PDE4D: variants seen among roughly 807,000 people sequenced by gnomAD.
PDE4D encodes 3',5'-cyclic-AMP phosphodiesterase 4D.
A neutral mutation model predicts 87.4 loss-of-function variants in PDE4D; 24 were observed. The ratio of observed to expected loss-of-function variants is 0.27; its 90% CI spans 0.20 to 0.39. PDE4D has a LOEUF of 0.39. Among genes scored for constraint, PDE4D ranks in the 10% least tolerant of loss-of-function variants. The pLI is 1.00. For missense variants in PDE4D, 714 were observed against 1,041.0 expected (o/e 0.69, Z 4.32); for synonymous variants, 384 against 383.2 (o/e 1.00, Z -0.02).
At chr5:58,985,671 G>A (rs970578942) in intron 11 of PDE4D, among the ~76,000 whole-genome samples, 2 of 152,134 alleles carry the variant, frequency 1.3e-5, no homozygotes, top group Admixed American at 6.5e-5. Flanking sequence ...GCAGGCTTTG[G>A]ACAGGATGGC....
At chr5:59,708,500 T>C (rs1753765501) in intron 1 of PDE4D, among the ~76,000 whole-genome samples, 1 of 152,132 alleles carries the variant, frequency 6.6e-6, no homozygotes, top group Non-Finnish European at 1.5e-5. Context: ...TCACAATGTC[T>C]AAGGGACAGA....
At chr5:59,933,869 C>T (rs1472399865) in intron 3 of PDE4D, among the ~76,000 whole-genome samples, 1 of 151,980 alleles carries the variant, frequency 6.6e-6, no homozygotes, top group Non-Finnish European at 1.5e-5. Flanking sequence ...TAACTTTTGG[C>T]TGGTTGACCC....
chr5:59,676,004 G>T (rs1016672253), intron 1 of PDE4D, among the ~76,000 whole-genome samples: 1 of 152,044 alleles, frequency 6.6e-6, no homozygotes, highest in African/African-American at 2.4e-5. Context: ...AAAATATAGT[G>T]TTAAGAGATC....
intron 1 of PDE4D, among the ~76,000 whole-genome samples, chr5:59,619,900 G>A (rs969098199): frequency 2.6e-5 from 4 of 152,144 alleles, no homozygotes; most frequent in Admixed American, 6.5e-5. Flanking sequence ...AGGCAGAGGA[G>A]GACCCATGAA....
intron 1 of PDE4D, among the ~76,000 whole-genome samples, chr5:60,343,639 T>C (rs1758496203): frequency 6.6e-6 from 1 of 152,138 alleles, no homozygotes; most frequent in South Asian, 2.1e-4. Flanking sequence ...GTCAGTTGAC[T>C]TCTGGCTGTG....
chr5:59,113,909 G>A (rs908715351), intron 5 of PDE4D, among the ~76,000 whole-genome samples: 2 of 152,092 alleles, frequency 1.3e-5, no homozygotes, highest in East Asian at 3.9e-4. Flanking sequence ...ATTACATATT[G>A]AGATATTGAG....
intron 1 of PDE4D, among the ~76,000 whole-genome samples, chr5:59,492,261 T>A (rs923432384): frequency 1.3e-5 from 2 of 152,190 alleles, no homozygotes; most frequent in Non-Finnish European, 2.9e-5. Context: ...CATCTGTACA[T>A]TCACTGACAA....
intron 1 of PDE4D, among the ~76,000 whole-genome samples, chr5:59,774,666 A>G (rs1763897126): frequency 6.6e-6 from 1 of 151,384 alleles, no homozygotes; most frequent in Non-Finnish European, 1.5e-5. Flanking sequence ...ACAACTTACA[A>G]TGGCATTTTT....
At chr5:60,012,129 TAA>T (rs1381175178) in intron 2 of PDE4D, among the ~76,000 whole-genome samples, 1 of 152,106 alleles carries the variant, frequency 6.6e-6, no homozygotes, top group Non-Finnish European at 1.5e-5. Flanking sequence ...TATATAAAAA[TAA>T]GTCAGATCTA....
intron 1 of PDE4D, among the ~76,000 whole-genome samples, chr5:59,552,931 T>C (rs996911507): frequency 6.6e-6 from 1 of 152,184 alleles, no homozygotes; most frequent in Non-Finnish European, 1.5e-5. Context: ...AATTGAAAAG[T>C]TGATTTTCTT....
chr5:59,200,930 T>C (rs1429744736), intron 2 of PDE4D, among the ~76,000 whole-genome samples: 3 of 152,092 alleles, frequency 2.0e-5, no homozygotes, highest in Non-Finnish European at 4.4e-5. Context: ...ATAGTGTATA[T>C]TCAACTGTAT....
At chr5:59,762,236 ATATGTGTATATGGGTACACATATGCG>A (rs1762078475) in intron 1 of PDE4D, among the ~76,000 whole-genome samples, 1 of 108,674 alleles carries the variant, frequency 9.2e-6, no homozygotes, top group African/African-American at 3.1e-5. Flanking sequence ...ACATATGCGT[ATATGTGTATATGGGTACACATATGCG>A]TATATGTGTA....
intron 1 of PDE4D, among the ~76,000 whole-genome samples, chr5:59,340,013 T>G (rs532779231): frequency 1.3e-5 from 2 of 152,210 alleles, no homozygotes; most frequent in South Asian, 4.2e-4. Context: ...ATGTGTTCAG[T>G]CTTCTCACCC....
chr5:59,996,667 C>T lies in PDE4D; in HGVS notation c.43-7950G>A, dbSNP rs187792513. 3.1e-4 allele frequency among the ~76,000 whole-genome samples: 47 copies of T among 152,244 alleles called. No individual in the cohort carries two copies. The East Asian group carries it at 8.5e-3, about 28-fold the overall frequency. On this transcript the variant is annotated intron_variant, in intron 2 of 16. Transcript: ENST00000502484. Reference sequence around the variant, plus strand: ...GTATGTTTTATCTTAAAACTGAATGCTATTATTGCCCAAATAACTTTACAG... The same window carrying T: ...GTATGTTTTATCTTAAAACTGAATGTTATTATTGCCCAAATAACTTTACAG...
chr5:60,097,362 C>T (rs1365020834), intron 2 of PDE4D, among the ~76,000 whole-genome samples: 1 of 151,274 alleles, frequency 6.6e-6, no homozygotes, highest in Non-Finnish European at 1.5e-5. Flanking sequence ...TGGAGAAATG[C>T]AGTATGAAGC....
At chr5:59,138,945 G>C (rs1487121427) in intron 5 of PDE4D, among the ~76,000 whole-genome samples, 1 of 152,148 alleles carries the variant, frequency 6.6e-6, no homozygotes, top group Admixed American at 6.6e-5. Context: ...TTAAATTCGG[G>C]AGAAATTCAG....
chr5:60,327,025 A>G (rs147107172), intron 1 of PDE4D, among the ~76,000 whole-genome samples: 8 of 152,250 alleles, frequency 5.3e-5, no homozygotes, highest in Middle Eastern at 3.4e-3. Flanking sequence ...CCCTGCTTAC[A>G]TATCCCATGC....
intron 1 of PDE4D, among the ~76,000 whole-genome samples, chr5:60,510,474 C>A (rs1435017497): frequency 6.6e-6 from 1 of 152,144 alleles, no homozygotes; most frequent in Non-Finnish European, 1.5e-5. Context: ...TCTCTTATAT[C>A]TTAAAGAATG....
chr5:59,281,190 G>A (rs1264285047), intron 1 of PDE4D, among the ~76,000 whole-genome samples: 2 of 152,068 alleles, frequency 1.3e-5, no homozygotes, highest in African/African-American at 4.8e-5. Context: ...GGGCGACTGG[G>A]GCAGCTCAGT....
Sources: allele counts gnomAD v4.1 joint callset (sites outside exome capture counted in the v4.1 genomes callset), GRCh38; gene constraint gnomAD v4.1.1; transcripts MANE v1.5; gene names NCBI Gene and HGNC (gene_info 2026-07-23, HGNC 2026-07-21).